GRIN2A: variants seen among roughly 807,000 people sequenced by gnomAD.
The protein encoded by GRIN2A is glutamate ionotropic receptor NMDA type subunit 2A.
In GRIN2A, 22 loss-of-function variants were observed where a neutral mutation model predicts 113.4. The ratio of observed to expected loss-of-function variants is 0.19; its 90% CI spans 0.14 to 0.28. The LOEUF is 0.28. GRIN2A is among the 10% of genes least tolerant of loss of function. The probability of loss-of-function intolerance (pLI) is 1.00; values close to 1 mark genes in which losing one functional copy is unlikely to be tolerated. For missense variants in GRIN2A, 1,502 were observed against 1,887.0 expected (o/e 0.80, Z 3.78); for synonymous variants, 827 against 738.4 (o/e 1.12, Z -1.94).
At chr16:9,904,090 T>A (rs2043984768) in intron 3 of GRIN2A, among the ~76,000 whole-genome samples, 1 of 152,212 alleles carries the variant, frequency 6.6e-6, no homozygotes, top group Admixed American at 6.5e-5. Context: ...CTTAAGGAAA[T>A]CAAGTTATTC....
chr16:9,851,537 A>G (rs185954240), intron 4 of GRIN2A, among the ~76,000 whole-genome samples: 4 of 152,362 alleles, frequency 2.6e-5, no homozygotes, highest in African/African-American at 9.6e-5. Flanking sequence ...AACCAAAAAT[A>G]CTGAAATATG....
At chr16:10,109,511 T>C (rs1343283093) in intron 2 of GRIN2A, among the ~76,000 whole-genome samples, 1 of 151,832 alleles carries the variant, frequency 6.6e-6, no homozygotes, top group African/African-American at 2.4e-5. Context: ...CATGCAAAAG[T>C]GCCCCACAAA....
At chr16:9,985,042 G>A (rs912546580) in intron 2 of GRIN2A, among the ~76,000 whole-genome samples, 12 of 151,282 alleles carry the variant, frequency 7.9e-5, no homozygotes, top group Admixed American at 2.0e-4. Context: ...ATGCATGCGT[G>A]CACACACACA....
At chr16:9,816,091 TG>T (rs201602096) in intron 10 of GRIN2A, among the ~76,000 whole-genome samples, 168 of 152,320 alleles carry the variant, frequency 1.1e-3, no homozygotes, top group African/African-American at 3.8e-3. Context: ...GAATGGTGGT[TG>T]CCAGGCGCTA....
intron 2 of GRIN2A, among the ~76,000 whole-genome samples, chr16:10,015,489 G>A (rs1186335064): frequency 1.3e-5 from 2 of 151,028 alleles, no homozygotes; most frequent in African/African-American, 4.9e-5. Flanking sequence ...AGTTCACTCA[G>A]GCAAAATAAT....
At chr16:9,932,596 G>A (rs1487981760) in intron 3 of GRIN2A, among the ~76,000 whole-genome samples, 2 of 151,730 alleles carry the variant, frequency 1.3e-5, no homozygotes, top group East Asian at 3.9e-4. Flanking sequence ...TGTTGGCCAG[G>A]CTGGTCGAAC....
At chr16:9,989,998 G>C (rs2046069274) in intron 2 of GRIN2A, among the ~76,000 whole-genome samples, 1 of 152,142 alleles carries the variant, frequency 6.6e-6, no homozygotes, top group Admixed American at 6.5e-5. Flanking sequence ...ACTAAAAATA[G>C]AATTACCATT....
In GRIN2A at chr16:10,135,378, G is replaced by A. The variant is rs58973536; in HGVS notation, c.414+44620C>T. Among the ~76,000 whole-genome samples, 3 of 152,214 alleles carry A rather than the reference G, an allele frequency of 2.0e-5. No homozygotes were observed. In the East Asian group the frequency reaches 5.8e-4, roughly 29 times the overall value. ...AAATGATGTATGCCTTCTCTAACAT[G>A]TTTCTTACTTCTGAGTCCCCAGAAA... is the stretch of plus-strand genomic sequence containing the variant. On this transcript the variant is annotated intron_variant, in intron 2 of 12. Transcript: ENST00000330684.
chr16:10,059,545 A>G (rs555428053), intron 2 of GRIN2A, among the ~76,000 whole-genome samples: 1 of 152,242 alleles, frequency 6.6e-6, no homozygotes, highest in East Asian at 1.9e-4. Flanking sequence ...TTTTGGAGGT[A>G]AAATCAAATT....
At chr16:9,871,514 T>A (rs574949641) in intron 4 of GRIN2A, among the ~76,000 whole-genome samples, 1 of 152,230 alleles carries the variant, frequency 6.6e-6, no homozygotes, top group Non-Finnish European at 1.5e-5. Flanking sequence ...ACTTTGTATA[T>A]GCATAATAGT....
At chr16:10,116,482 T>A (rs2048730655) in intron 2 of GRIN2A, among the ~76,000 whole-genome samples, 2 of 152,164 alleles carry the variant, frequency 1.3e-5, no homozygotes, top group East Asian at 3.8e-4. Flanking sequence ...TAGAAATTTT[T>A]AAAAAGGAAA....
At chr16:10,155,304 A>T (rs1218343239) in intron 2 of GRIN2A, among the ~76,000 whole-genome samples, 2 of 152,148 alleles carry the variant, frequency 1.3e-5, no homozygotes, top group African/African-American at 4.8e-5. Context: ...AAGTTTTATT[A>T]CCATCCCCCA....
intron 8 of GRIN2A, among the ~76,000 whole-genome samples, chr16:9,831,222 C>T (rs2042486615): frequency 6.6e-6 from 1 of 152,174 alleles, no homozygotes; most frequent in East Asian, 1.9e-4. Context: ...ATAGTCTTTC[C>T]AGCATGCTTC....
chr16:9,769,247 G>A (rs1016040538), intron 11 of GRIN2A, 158 bp from the exon 12 acceptor site: 3 of 654,176 alleles, frequency 4.6e-6, no homozygotes, highest in African/African-American at 3.6e-5. Flanking sequence ...CTTCTTGAGT[G>A]AAGATAATAA....
At chr16:9,853,241 T>C (rs2042915220) in intron 4 of GRIN2A, among the ~76,000 whole-genome samples, 1 of 152,126 alleles carries the variant, frequency 6.6e-6, no homozygotes, top group African/African-American at 2.4e-5. Flanking sequence ...GAAGTTGGGA[T>C]TTACCTTAAG....
At chr16:10,069,362 A>G (rs1320194631) in intron 2 of GRIN2A, among the ~76,000 whole-genome samples, 3 of 152,206 alleles carry the variant, frequency 2.0e-5, no homozygotes, top group Non-Finnish European at 4.4e-5. Context: ...CTGGGCAGCC[A>G]AGGTTAAAAG....
intron 2 of GRIN2A, among the ~76,000 whole-genome samples, chr16:10,164,129 G>T (rs1052079991): frequency 3.3e-5 from 5 of 152,308 alleles, no homozygotes; most frequent in African/African-American, 1.2e-4. Flanking sequence ...AGTGCATGAT[G>T]GCTCTCTCCG....
At chr16:9,931,098 C>A (rs1390322231) in intron 3 of GRIN2A, among the ~76,000 whole-genome samples, 1 of 151,680 alleles carries the variant, frequency 6.6e-6, no homozygotes, top group Non-Finnish European at 1.5e-5. Flanking sequence ...CTTTTTTTGC[C>A]CCCTCATTTG....
chr16:9,883,128 C>A (rs2043517620), intron 4 of GRIN2A, among the ~76,000 whole-genome samples: 1 of 152,142 alleles, frequency 6.6e-6, no homozygotes, highest in African/African-American at 2.4e-5. Context: ...ATCTCTGAAG[C>A]AGGGAGAAGA....
Sources: allele counts gnomAD v4.1 joint callset (sites outside exome capture counted in the v4.1 genomes callset), GRCh38; gene constraint gnomAD v4.1.1; transcripts MANE v1.5; gene names NCBI Gene and HGNC (gene_info 2026-07-23, HGNC 2026-07-21).